ENOX1: variants seen among roughly 807,000 people sequenced by gnomAD.
ENOX1 encodes candidate growth-related and time keeping constitutive hydroquinone (NADH) oxidase.
Under a neutral mutation model 82.5 loss-of-function variants are expected in ENOX1, and 42 were observed. The ratio of observed to expected loss-of-function variants is 0.51; its 90% CI spans 0.40 to 0.66. The LOEUF is 0.66. Ranked by LOEUF, ENOX1 falls within the 30% of genes least tolerant of loss-of-function variation. The pLI, the probability that ENOX1 is intolerant of heterozygous loss-of-function variation, is 0.00. For missense variants in ENOX1, 608 were observed against 811.6 expected, an observed-to-expected ratio of 0.75 and a Z score of 3.05; for synonymous variants, 271 against 282.2, an observed-to-expected ratio of 0.96 and a Z score of 0.40.
intron 7 of ENOX1, 28 bp from the exon 8 acceptor site, chr13:43,356,180 C>A (rs1471048739): frequency 4.4e-6 from 7 of 1,603,226 alleles, no homozygotes; most frequent in Non-Finnish European, 6.0e-6. Flanking sequence ...TCTGGTCACA[C>A]CATAATGTAA....
chr13:43,408,371 G>A (rs1305644754), intron 5 of ENOX1, among the ~76,000 whole-genome samples: 1 of 152,200 alleles, frequency 6.6e-6, no homozygotes, highest in Non-Finnish European at 1.5e-5. Flanking sequence ...TATGGGAAGA[G>A]TGGTTGGTCA....
intron 14 of ENOX1, among the ~76,000 whole-genome samples, chr13:43,250,281 C>T (rs1361375798): frequency 3.3e-5 from 5 of 152,174 alleles, no homozygotes; most frequent in Non-Finnish European, 5.9e-5. Context: ...GGTTCAAGCC[C>T]TTGATCCCAC....
chr13:43,553,067 G>A (rs2153700684), intron 2 of ENOX1, among the ~76,000 whole-genome samples: 1 of 152,196 alleles, frequency 6.6e-6, no homozygotes, highest in African/African-American at 2.4e-5. Context: ...TGGAGATGGG[G>A]GTTGGGAAAT....
chr13:43,614,451 A>C (rs2082322618), intron 2 of ENOX1, among the ~76,000 whole-genome samples: 1 of 151,622 alleles, frequency 6.6e-6, no homozygotes, highest in Non-Finnish European at 1.5e-5. Context: ...CAAGAACCTC[A>C]CACTTACCTC....
intron 2 of ENOX1, among the ~76,000 whole-genome samples, chr13:43,557,221 T>C (rs895495073): frequency 6.6e-6 from 1 of 152,156 alleles, no homozygotes; most frequent in East Asian, 1.9e-4. Flanking sequence ...CCAAGACCAT[T>C]TGGGGAGTCA....
chr13:43,482,245 C>A (rs926716121), intron 3 of ENOX1, among the ~76,000 whole-genome samples: 1 of 152,114 alleles, frequency 6.6e-6, no homozygotes, highest in Non-Finnish European at 1.5e-5. Context: ...AACCTAAATG[C>A]CCACTGACAA....
intron 1 of ENOX1, among the ~76,000 whole-genome samples, chr13:43,741,249 TA>T (rs1354343605): frequency 6.6e-6 from 1 of 152,076 alleles, no homozygotes; most frequent in Non-Finnish European, 1.5e-5. Context: ...CACGCCTGGC[TA>T]AATTTTGTAT....
At chr13:43,449,756 C>T (rs901285928) in intron 3 of ENOX1, among the ~76,000 whole-genome samples, 1 of 151,948 alleles carries the variant, frequency 6.6e-6, no homozygotes, top group Non-Finnish European at 1.5e-5. Flanking sequence ...ACCTCAGCTT[C>T]AGTTAGCTCA....
At chr13:43,726,718 T>TTGTGTGTGTGTGTG (rs55918525) in intron 1 of ENOX1, among the ~76,000 whole-genome samples, 11 of 144,698 alleles carry the variant, frequency 7.6e-5, no homozygotes, top group African/African-American at 2.3e-4. Flanking sequence ...GCATTGACTT[T>TTGTGTGTGTGTGTG]TGTGTGTGTG....
chr13:43,552,786 C>T (rs918817602), intron 2 of ENOX1, among the ~76,000 whole-genome samples: 1 of 152,134 alleles, frequency 6.6e-6, no homozygotes, highest in African/African-American at 2.4e-5. Context: ...TAAGACTAGG[C>T]AATCAGTTAT....
intron 3 of ENOX1, among the ~76,000 whole-genome samples, chr13:43,433,536 A>AT (rs1483143104): frequency 1.3e-5 from 2 of 152,176 alleles, no homozygotes; most frequent in Non-Finnish European, 2.9e-5. Flanking sequence ...TAGTGCTCTA[A>AT]AAGAATTGTC....
chr13:43,568,432 C>G (rs1266330133), intron 2 of ENOX1, among the ~76,000 whole-genome samples: 1 of 152,134 alleles, frequency 6.6e-6, no homozygotes, highest in Non-Finnish European at 1.5e-5. Flanking sequence ...GACAGAGACT[C>G]CTCTGGTCTT....
rs1019807798 is a variant in ENOX1 at position 43,266,544 on chromosome 13, C to A, written c.1555-1090G>T. Among the ~76,000 whole-genome samples the A allele has an allele frequency of 2.6e-5, 4 of 152,164 alleles. No individual in the cohort carries two copies. In the East Asian group the frequency reaches 7.7e-4, roughly 29 times the overall value. ...TGATTATGGACCAAAGGCTCTTTGGCTCATTTCCATATCACTCCCACTTAA... is the reference window on the plus strand; with the variant it reads ...TGATTATGGACCAAAGGCTCTTTGGATCATTTCCATATCACTCCCACTTAA... On this transcript the variant is annotated intron_variant, in intron 13 of 16. Transcript: ENST00000690772.
chr13:43,447,144 T>C (rs1322943513), intron 3 of ENOX1, among the ~76,000 whole-genome samples: 1 of 152,238 alleles, frequency 6.6e-6, no homozygotes, highest in Non-Finnish European at 1.5e-5. Context: ...AGATGTCTTT[T>C]AAATAACACA....
intron 3 of ENOX1, among the ~76,000 whole-genome samples, chr13:43,430,330 A>G (rs2055579024): frequency 6.6e-6 from 1 of 152,226 alleles, no homozygotes; most frequent in African/African-American, 2.4e-5. Flanking sequence ...GTTAAATAGC[A>G]ATACCAAGAT....
chr13:43,413,947 A>G (rs181600942), intron 3 of ENOX1, among the ~76,000 whole-genome samples: 3 of 152,094 alleles, frequency 2.0e-5, no homozygotes, highest in Admixed American at 2.0e-4. Context: ...TAAGTAGATT[A>G]GATATAACAA....
chr13:43,477,834 T>C (rs1170062751), intron 3 of ENOX1, among the ~76,000 whole-genome samples: 1 of 152,194 alleles, frequency 6.6e-6, no homozygotes, highest in Non-Finnish European at 1.5e-5. Context: ...CACTTACAAG[T>C]GTTGATTAGC....
chr13:43,447,404 C>G (rs1284222159), intron 3 of ENOX1, among the ~76,000 whole-genome samples: 1 of 152,008 alleles, frequency 6.6e-6, no homozygotes, highest in African/African-American at 2.4e-5. Flanking sequence ...CTTGGTTGGG[C>G]CCCTAAATTT....
chr13:43,643,700 T>C (rs2078767964), intron 2 of ENOX1, among the ~76,000 whole-genome samples: 1 of 151,788 alleles, frequency 6.6e-6, no homozygotes, highest in African/African-American at 2.4e-5. Context: ...CATATATACA[T>C]AAATATATAT....
Sources: gnomAD v4.1 joint callset for allele counts (sites outside exome capture counted in the v4.1 genomes callset) on GRCh38, gnomAD v4.1.1 for gene constraint, MANE v1.5 for transcripts, NCBI Gene and HGNC (gene_info 2026-07-23, HGNC 2026-07-21) for gene names.